PTBP3: variants seen among roughly 807,000 people sequenced by gnomAD.
The protein encoded by PTBP3 is polypyrimidine tract binding protein 3.
In PTBP3, 20 loss-of-function variants were observed where a neutral mutation model predicts 58.7. The observed-to-expected ratio is 0.34, with a 90% CI of 0.24 to 0.50. The LOEUF is 0.50. Among genes scored for constraint, PTBP3 ranks in the 20% least tolerant of loss-of-function variants. The probability of loss-of-function intolerance (pLI) is 0.98; values close to 1 mark genes in which losing one functional copy is unlikely to be tolerated. For synonymous variants in PTBP3, 185 were observed against 219.8 expected, an observed-to-expected ratio of 0.84 and a Z score of 1.40; for missense variants, 509 against 637.2, an observed-to-expected ratio of 0.80 and a Z score of 2.17.
At chr9:112,227,980 T>C (rs1234265919) in intron 11 of PTBP3, among the ~76,000 whole-genome samples, 1 of 152,200 alleles carries the variant, frequency 6.6e-6, no homozygotes, top group African/African-American at 2.4e-5. Context: ...TTACAGCTTT[T>C]ATAACAGTGA....
chr9:112,223,791 T>A lies in PTBP3; in HGVS notation c.*60A>T, dbSNP rs1834882943. ...AAATTGGTCTTGAGCTGCTTCAGTC[T>A]ATGTCTGAAGGTTTTACTGAAATTA... On this transcript the variant is annotated 3_prime_UTR_variant, in exon 14 of 14. Transcript: ENST00000374257. 6.2e-7 allele frequency: 1 copy of A among 1,610,518 alleles called. No homozygotes were observed.
intron 5 of PTBP3, among the ~76,000 whole-genome samples, chr9:112,260,211 T>C (rs1057510728): frequency 7.9e-5 from 12 of 152,228 alleles, no homozygotes; most frequent in African/African-American, 2.7e-4. Flanking sequence ...ACCCAACCCC[T>C]TCTTGGGCAC....
chr9:112,277,268 G>A (rs1195405103), intron 2 of PTBP3, among the ~76,000 whole-genome samples: 5 of 152,074 alleles, frequency 3.3e-5, no homozygotes, highest in East Asian at 3.9e-4. Flanking sequence ...ACAGGTCTGC[G>A]TACCTTTATA....
Position 112,221,079 on chromosome 9 carries a change from GACA to G in PTBP3, c.*2769_*2771del. 1.0e-6 allele frequency: 1 copy of G among 984,944 alleles called. No individual in the cohort carries two copies. Among genetic ancestry groups the G allele is most frequent in the African/African-American group, 1.7e-5 (1 of 57,272 alleles). The allele number at this position is 984,944 out of a possible 1,614,324, so 61.0% of individuals were successfully genotyped here. A position where few individuals can be genotyped will look rare whatever the true frequency, so the allele number is the denominator to read the frequency against. Reference sequence around the variant, plus strand: ...TTCAAACAGCAAATAGCTTAATATGGACAACATCCATGTGCTACAGCTAATTTT... The same window carrying G: ...TTCAAACAGCAAATAGCTTAATATGGACATCCATGTGCTACAGCTAATTTT... On this transcript the variant is annotated 3_prime_UTR_variant, in exon 14 of 14. Transcript: ENST00000374257.
At chr9:112,347,840 T>C in the PTBP3 span, among the ~76,000 whole-genome samples, 8 of 152,304 alleles carry the variant, frequency 5.3e-5, no homozygotes, top group East Asian at 1.5e-3. Flanking sequence ...AGCACAGGAT[T>C]TCATCATCTC....
Position 112,220,926 on chromosome 9 carries a change from G to A in PTBP3, c.*2925C>T. ...GGTAGATCAACAGAGAAAAACCATT[G>A]CTAGAAGATACTGAATAAATGCATG... On this transcript the variant is annotated 3_prime_UTR_variant, in exon 14 of 14. Transcript: ENST00000374257. 1.0e-6 allele frequency: 1 copy of A among 965,158 alleles called. No homozygotes were observed. Among genetic ancestry groups the A allele is most frequent in the Non-Finnish European group, 1.2e-6 (1 of 811,576 alleles). The allele number at this position is 965,158 out of a possible 1,614,324, so 59.8% of individuals were successfully genotyped here. A position where few individuals can be genotyped will look rare whatever the true frequency, so the allele number is the denominator to read the frequency against.
chr9:112,296,516 G>A (rs1156790814), intron 2 of PTBP3, among the ~76,000 whole-genome samples: 1 of 151,980 alleles, frequency 6.6e-6, no homozygotes, highest in African/African-American at 2.4e-5. Flanking sequence ...TCCTGGTCTG[G>A]AAAAGGAGGT....
chr9:112,320,314 A>ATATATTTT, intron 1 of PTBP3, among the ~76,000 whole-genome samples: 28 of 75,682 alleles, frequency 3.7e-4, no homozygotes, highest in African/African-American at 9.4e-4. Flanking sequence ...ATATATATAT[A>ATATATTTT]TTTTTTTTTA....
In PTBP3 at chr9:112,311,634, T is replaced by C. The variant is rs527695210; in HGVS notation, c.-51-13718A>G. Among the ~76,000 whole-genome samples the C allele has an allele frequency of 3.9e-5, 6 of 152,228 alleles. No homozygotes were observed. In the East Asian group the frequency reaches 9.6e-4, roughly 24 times the overall value. On this transcript the variant is annotated intron_variant, in intron 1 of 13. Coordinates refer to ENST00000374257, the MANE Select transcript of PTBP3 (RefSeq NM_001163788.4). ...ATGGATTTTGGCCCCCCCTAGATAC[T>C]GAGGGACAACTGTACTCTGAAACAG...
At chr9:112,242,089 TTTAA>T (rs376715179) in intron 7 of PTBP3, among the ~76,000 whole-genome samples, 6 of 152,346 alleles carry the variant, frequency 3.9e-5, no homozygotes, top group African/African-American at 9.6e-5. Context: ...AACATTTGTG[TTTAA>T]TTAACACCTA....
At chr9:112,290,695 T>TACACACACACACAC (rs1335488388) in intron 2 of PTBP3, among the ~76,000 whole-genome samples, 2 of 76,854 alleles carry the variant, frequency 2.6e-5, no homozygotes, top group East Asian at 3.6e-4. Context: ...AAAATATATA[T>TACACACACACACAC]ATATATATAT....
intron 1 of PTBP3, among the ~76,000 whole-genome samples, chr9:112,331,126 CG>C (rs146550184): frequency 1.3e-3 from 195 of 147,632 alleles, no homozygotes; most frequent in African/African-American, 4.0e-3. Flanking sequence ...CACACACACA[CG>C]AGAGACAGTT....
intron 1 of PTBP3, among the ~76,000 whole-genome samples, chr9:112,316,691 G>C (rs1451648246): frequency 6.6e-6 from 1 of 152,164 alleles, no homozygotes; most frequent in African/African-American, 2.4e-5. Flanking sequence ...TGTAATCCCA[G>C]GACTTTGGGA....
the PTBP3 span, among the ~76,000 whole-genome samples, chr9:112,368,833 C>T: frequency 1.2e-4 from 18 of 152,314 alleles, no homozygotes; most frequent in African/African-American, 4.3e-4. Flanking sequence ...GAGGTCTTCA[C>T]GGCAGTCCCT....
At chr9:112,367,465 G>C in the PTBP3 span, among the ~76,000 whole-genome samples, 834 of 151,964 alleles carry the variant, frequency 5.5e-3, 10 homozygotes, top group African/African-American at 0.019. Flanking sequence ...TTGTTTTTTG[G>C]CTAGGTTCTT....
the PTBP3 span, among the ~76,000 whole-genome samples, chr9:112,371,136 A>G: frequency 3.3e-5 from 5 of 151,938 alleles, no homozygotes; most frequent in African/African-American, 1.2e-4. Context: ...TGTTCTGGCT[A>G]TTGCCCCCAG....
chr9:112,336,886 T>G (rs1191453792), upstream of PTBP3, among the ~76,000 whole-genome samples: 1 of 152,176 alleles, frequency 6.6e-6, no homozygotes, highest in Non-Finnish European at 1.5e-5. Flanking sequence ...TTAACAAAAC[T>G]GTTTGGCATT....
intron 11 of PTBP3, 30 bp downstream of exon 11, chr9:112,228,350 T>A (rs755950834): frequency 6.7e-7 from 1 of 1,496,846 alleles, no homozygotes; most frequent in South Asian, 1.3e-5. Context: ...CAAGTTCACA[T>A]TATTATTAAT....
At position 112,220,122 on chromosome 9, in the gene PTBP3, A is replaced by G; in HGVS notation, c.*3729T>C. 7.8e-7 allele frequency: 1 copy of G among 1,283,126 alleles called. No homozygotes were observed. Among genetic ancestry groups the G allele is most frequent in the Non-Finnish European group, 1.0e-6 (1 of 985,576 alleles). The allele number at this position is 1,283,126 out of a possible 1,614,324, so 79.5% of individuals were successfully genotyped here. ...TCTTTTTGGTTTTAAAAATAGCAGT[A>G]CACATTAGGTTTTCTAAGGGATAGG... On this transcript the variant is annotated 3_prime_UTR_variant, in exon 14 of 14. Coordinates refer to ENST00000374257, the MANE Select transcript of PTBP3 (RefSeq NM_001163788.4).
Sources: gnomAD v4.1 joint callset for allele counts (sites outside exome capture counted in the v4.1 genomes callset) on GRCh38, gnomAD v4.1.1 for gene constraint, MANE v1.5 for transcripts, NCBI Gene and HGNC (gene_info 2026-07-23, HGNC 2026-07-21) for gene names.